KCNB2: variants seen among roughly 807,000 people sequenced by gnomAD.
KCNB2 encodes potassium voltage-gated channel subfamily B member 2, also known as delayed rectifier potassium channel protein.
A neutral mutation model predicts 61.5 loss-of-function variants in KCNB2; 15 were observed. The ratio of observed to expected loss-of-function variants is 0.24; its 90% CI spans 0.16 to 0.38. KCNB2 has a LOEUF of 0.38. Among genes scored for constraint, KCNB2 ranks in the 10% least tolerant of loss-of-function variants. The pLI is 1.00. For synonymous variants in KCNB2, 457 were observed against 446.0 expected (o/e 1.02, Z -0.31); for missense variants, 828 against 1,125.2 (o/e 0.74, Z 3.78).
At chr8:72,546,884 G>C (rs751677434) in intron 1 of KCNB2, among the ~76,000 whole-genome samples, 2 of 152,304 alleles carry the variant, frequency 1.3e-5, no homozygotes, top group South Asian at 2.1e-4. Context: ...GATTAAACAG[G>C]CTTCTGTTGA....
At chr8:72,783,640 G>T (rs1207830650) in intron 2 of KCNB2, among the ~76,000 whole-genome samples, 1 of 152,100 alleles carries the variant, frequency 6.6e-6, no homozygotes, top group Non-Finnish European at 1.5e-5. Flanking sequence ...CTTCTTCACA[G>T]AATCCATCAC....
At chr8:72,703,527 C>T (rs186636438) in intron 2 of KCNB2, among the ~76,000 whole-genome samples, 1 of 152,312 alleles carries the variant, frequency 6.6e-6, no homozygotes, top group East Asian at 1.9e-4. Flanking sequence ...TCCTTGGGTA[C>T]AGTGTGTCCC....
In KCNB2 at chr8:72,792,758, C is replaced by G. The variant is rs149382253; in HGVS notation, c.580-143177C>G. Among the ~76,000 whole-genome samples, 16 of 152,316 alleles carry G rather than the reference C, an allele frequency of 1.1e-4. No individual in the cohort carries two copies. In the East Asian group the frequency reaches 2.5e-3, roughly 24 times the overall value. ...GATAGCTCTACTGATAGCCTGAAAG[C>G]TAAATCATGTGTTTATAAGACATCC... On this transcript the variant is annotated intron_variant, in intron 2 of 2. Coordinates refer to ENST00000523207, the MANE Select transcript of KCNB2 (RefSeq NM_004770.3).
intron 2 of KCNB2, among the ~76,000 whole-genome samples, chr8:72,599,131 G>A (rs567332355): frequency 7.4e-4 from 113 of 152,084 alleles, no homozygotes; most frequent in Admixed American, 3.1e-3. Flanking sequence ...AAAAGAGCCC[G>A]CATCGCCAAG....
At chr8:72,635,272 C>G (rs1180972784) in intron 2 of KCNB2, among the ~76,000 whole-genome samples, 1 of 152,100 alleles carries the variant, frequency 6.6e-6, no homozygotes, top group East Asian at 1.9e-4. Flanking sequence ...GAGGCAACAC[C>G]CAAGAGGCTG....
At chr8:72,837,741 T>C (rs1413417637) in intron 2 of KCNB2, among the ~76,000 whole-genome samples, 1 of 152,110 alleles carries the variant, frequency 6.6e-6, no homozygotes, top group African/African-American at 2.4e-5. Flanking sequence ...CCCATAGCAA[T>C]GAAACCACAG....
chr8:72,715,438 G>T (rs1339225428), intron 2 of KCNB2, among the ~76,000 whole-genome samples: 1 of 152,170 alleles, frequency 6.6e-6, no homozygotes, highest in East Asian at 1.9e-4. Flanking sequence ...AAATGTAAAA[G>T]AACAGAAATT....
intron 2 of KCNB2, among the ~76,000 whole-genome samples, chr8:72,800,002 G>A (rs948563142): frequency 4.6e-5 from 7 of 152,102 alleles, no homozygotes; most frequent in African/African-American, 7.2e-5. Context: ...GCTGGTTGAG[G>A]CCAGAGCACG....
chr8:72,672,491 T>C (rs1189845227), intron 2 of KCNB2, among the ~76,000 whole-genome samples: 2 of 152,280 alleles, frequency 1.3e-5, no homozygotes, highest in East Asian at 1.9e-4. Context: ...TGAGAAATAA[T>C]TCTAGTGGCA....
intron 2 of KCNB2, among the ~76,000 whole-genome samples, chr8:72,725,898 C>T (rs1242900786): frequency 6.6e-6 from 1 of 152,032 alleles, no homozygotes; most frequent in Non-Finnish European, 1.5e-5. Flanking sequence ...TCTAAAAGCA[C>T]ATACCCTTTT....
At chr8:72,923,961 A>C (rs938400317) in intron 2 of KCNB2, among the ~76,000 whole-genome samples, 1 of 152,150 alleles carries the variant, frequency 6.6e-6, no homozygotes, top group African/African-American at 2.4e-5. Flanking sequence ...ACTACACCCT[A>C]CTTCTGTAAA....
intron 2 of KCNB2, among the ~76,000 whole-genome samples, chr8:72,648,853 C>T (rs1806170507): frequency 6.6e-6 from 1 of 151,982 alleles, no homozygotes; most frequent in African/African-American, 2.4e-5. Context: ...ATTCACCAGA[C>T]CAAATAGTAA....
intron 2 of KCNB2, among the ~76,000 whole-genome samples, chr8:72,759,102 G>T (rs1197310478): frequency 6.6e-6 from 1 of 152,138 alleles, no homozygotes; most frequent in African/African-American, 2.4e-5. Context: ...TAGAGTGGAG[G>T]CAGAGGGTAA....
At chr8:72,748,256 G>A (rs11783291) in intron 2 of KCNB2, among the ~76,000 whole-genome samples, 26,548 of 152,018 alleles carry the variant, frequency 0.17, 2,518 homozygotes, top group South Asian at 0.32. Context: ...CCTGAAAAAC[G>A]TGAAGTATTT....
intron 2 of KCNB2, among the ~76,000 whole-genome samples, chr8:72,849,527 TATAAAACTC>T (rs1810056719): frequency 1.3e-5 from 2 of 152,188 alleles, no homozygotes; most frequent in African/African-American, 4.8e-5. Flanking sequence ...ATTGTATGAA[TATAAAACTC>T]ATTTTTCCTA....
intron 2 of KCNB2, among the ~76,000 whole-genome samples, chr8:72,760,358 A>G (rs1431941520): frequency 1.3e-5 from 2 of 152,154 alleles, no homozygotes; most frequent in African/African-American, 2.4e-5. Context: ...CTTAATAAAT[A>G]TTTCTCTTTC....
chr8:72,755,095 T>C, intron 2 of KCNB2, among the ~76,000 whole-genome samples: 1 of 152,180 alleles, frequency 6.6e-6, no homozygotes, highest in East Asian at 1.9e-4. Flanking sequence ...CAGTCTAATA[T>C]TTAATTAGAA....
At chr8:72,826,444 A>AGAAGAGAAG (rs1809597747) in intron 2 of KCNB2, among the ~76,000 whole-genome samples, 2 of 152,228 alleles carry the variant, frequency 1.3e-5, no homozygotes. Context: ...TTCAACTGGA[A>AGAAGAGAAG]GAAGAGAAGG....
At chr8:72,857,756 T>G (rs1810231530) in intron 2 of KCNB2, among the ~76,000 whole-genome samples, 1 of 152,192 alleles carries the variant, frequency 6.6e-6, no homozygotes, top group African/African-American at 2.4e-5. Flanking sequence ...TGCAATAACC[T>G]TGGAAAGGCG....
Sources: gnomAD v4.1 joint callset for allele counts (sites outside exome capture counted in the v4.1 genomes callset) on GRCh38, gnomAD v4.1.1 for gene constraint, MANE v1.5 for transcripts, NCBI Gene and HGNC (gene_info 2026-07-23, HGNC 2026-07-21) for gene names.